The following MKLN1 variants were observed in gnomAD, a reference collection of about 807,000 sequenced individuals.
The protein encoded by MKLN1 is muskelin 1, also known as muskelin.
In MKLN1, 18 loss-of-function variants were observed where a neutral mutation model predicts 99.0. The observed-to-expected ratio is 0.18, with a 90% CI of 0.13 to 0.27. The LOEUF is 0.27. MKLN1 is among the 10% of genes least tolerant of loss of function. MKLN1 has a pLI of 1.00. For synonymous variants in MKLN1, 288 were observed against 293.2 expected (o/e 0.98, Z 0.18); for missense variants, 621 against 875.9 (o/e 0.71, Z 3.67).
intron 3 of MKLN1, among the ~76,000 whole-genome samples, chr7:131,231,309 T>C (rs1584854192): frequency 6.6e-6 from 1 of 151,948 alleles, no homozygotes; most frequent in Admixed American, 6.6e-5. Flanking sequence ...TGTCAAAAGA[T>C]AGTTGGGACA....
intron 3 of MKLN1, among the ~76,000 whole-genome samples, chr7:131,260,530 A>G (rs1797716853): frequency 6.6e-6 from 1 of 152,236 alleles, no homozygotes; most frequent in Admixed American, 6.5e-5. Context: ...ATACCATTAA[A>G]ATGGCCACAC....
upstream of MKLN1, chr7:131,324,326 G>C (rs1198355489): frequency 1.3e-5 from 2 of 152,212 alleles, no homozygotes; most frequent in Non-Finnish European, 2.9e-5. Context: ...TGAAGGAAGA[G>C]AGTTCACACT....
chr7:131,239,611 C>A (rs1321088619), intron 3 of MKLN1, among the ~76,000 whole-genome samples: 3 of 152,188 alleles, frequency 2.0e-5, no homozygotes, highest in Non-Finnish European at 4.4e-5. Context: ...AGCTACCACA[C>A]CCAGCCCTCA....
intron 12 of MKLN1, among the ~76,000 whole-genome samples, chr7:131,462,183 CA>C (rs756434106): frequency 3.4e-4 from 52 of 152,156 alleles, no homozygotes; most frequent in South Asian, 1.7e-3. Flanking sequence ...ATGTGCACAC[CA>C]CCACACTTGG....
At position 131,491,712 on chromosome 7, in the gene MKLN1, A is replaced by T. The variant is rs1349304278; in HGVS notation, c.*3984A>T. The T allele has an allele frequency of 2.0e-5, 3 of 152,672 alleles. No homozygotes were observed. In the East Asian group the frequency reaches 5.8e-4, roughly 29 times the overall value. The allele number at this position is 152,672 out of a possible 1,614,324, so 9.5% of individuals were successfully genotyped here. On this transcript the variant is annotated 3_prime_UTR_variant, in exon 18 of 18. Coordinates refer to ENST00000352689, the MANE Select transcript of MKLN1 (RefSeq NM_013255.5). Reference sequence around the variant, plus strand: ...TGCAGTATATTGATCTCTTCACCAAATGCTTTTTCTTTTTCTGAATAAATG... The same window carrying T: ...TGCAGTATATTGATCTCTTCACCAATTGCTTTTTCTTTTTCTGAATAAATG...
intron 3 of MKLN1, among the ~76,000 whole-genome samples, chr7:131,210,184 A>G (rs1435144559): frequency 3.9e-5 from 6 of 152,206 alleles, no homozygotes. Flanking sequence ...TCTCCAATGG[A>G]ATAAAATTTT....
Position 131,496,090 on chromosome 7 carries a change from C to T in MKLN1, c.*8362C>T, listed in dbSNP as rs1026709754. On this transcript the variant is annotated 3_prime_UTR_variant, in exon 18 of 18. Coordinates refer to ENST00000352689, the MANE Select transcript of MKLN1 (RefSeq NM_013255.5). ...TCAAAAAAAATTGTATTTCTGTGCACATTAGCTGAGATTCACACATTTTGC... is the reference window on the plus strand; with the variant it reads ...TCAAAAAAAATTGTATTTCTGTGCATATTAGCTGAGATTCACACATTTTGC... 1 of 151,466 alleles carries T rather than the reference C, an allele frequency of 6.6e-6. No homozygotes were observed. The highest frequency in any genetic ancestry group is 1.9e-4 in the East Asian group (1 of 5,200). The allele number at this position is 151,466 out of a possible 1,614,324, so 9.4% of individuals were successfully genotyped here.
chr7:131,192,112 T>TATATACTGTATATATAC (rs1563247224), intron 2 of MKLN1, among the ~76,000 whole-genome samples: 1,423 of 79,434 alleles, frequency 0.018, 153 homozygotes, highest in South Asian at 0.03. Context: ...ATATATATTA[T>TATATACTGTATATATAC]ATATATACGT....
At chr7:131,344,753 T>C (rs1239264271) in intron 1 of MKLN1, among the ~76,000 whole-genome samples, 2 of 152,208 alleles carry the variant, frequency 1.3e-5, no homozygotes, top group African/African-American at 4.8e-5. Context: ...CTCAATTCTT[T>C]TAAACAAAAT....
At chr7:131,426,322 AG>A (rs1349141778) in intron 8 of MKLN1, among the ~76,000 whole-genome samples, 1 of 152,224 alleles carries the variant, frequency 6.6e-6, no homozygotes, top group Non-Finnish European at 1.5e-5. Flanking sequence ...ATAAAACAAA[AG>A]GTCAATTGCT....
intron 3 of MKLN1, among the ~76,000 whole-genome samples, chr7:131,317,679 A>C (rs1798695131): frequency 6.6e-6 from 1 of 150,870 alleles, no homozygotes; most frequent in African/African-American, 2.4e-5. Flanking sequence ...TAGAGTCAAG[A>C]CCCATCAGTG....
intron 17 of MKLN1, among the ~76,000 whole-genome samples, chr7:131,481,405 A>G (rs1341050036): frequency 1.3e-5 from 2 of 152,186 alleles, no homozygotes; most frequent in African/African-American, 4.8e-5. Context: ...GACTGCCTTA[A>G]AAATTTAATC....
chr7:131,314,240 G>T (rs1798621883), intron 3 of MKLN1, among the ~76,000 whole-genome samples: 1 of 152,144 alleles, frequency 6.6e-6, no homozygotes, highest in African/African-American at 2.4e-5. Context: ...TTTTGTGCTG[G>T]AAACTGTCAT....
chr7:131,206,922 T>C (rs903181496), intron 3 of MKLN1, among the ~76,000 whole-genome samples: 3 of 152,148 alleles, frequency 2.0e-5, no homozygotes, highest in Non-Finnish European at 4.4e-5. Flanking sequence ...TGATTTAAAA[T>C]GTTGCCAAGG....
At chr7:131,337,179 T>G (rs1467104822) in intron 1 of MKLN1, among the ~76,000 whole-genome samples, 1 of 152,168 alleles carries the variant, frequency 6.6e-6, no homozygotes, top group Non-Finnish European at 1.5e-5. Context: ...TAAACAGCTT[T>G]CAGTGATGCA....
intron 2 of MKLN1, among the ~76,000 whole-genome samples, chr7:131,143,420 C>T (rs571725910): frequency 3.3e-5 from 5 of 152,186 alleles, no homozygotes; most frequent in Non-Finnish European, 4.4e-5. Context: ...GAGCCAAGAT[C>T]GTGCCACTGC....
chr7:131,426,895 C>T (rs903343898), intron 8 of MKLN1, among the ~76,000 whole-genome samples: 22 of 152,006 alleles, frequency 1.4e-4, no homozygotes, highest in African/African-American at 5.1e-4. Flanking sequence ...GCTGGGATTA[C>T]AGATGTGTGC....
At chr7:131,133,778 C>T (rs1425313247) in intron 1 of MKLN1, among the ~76,000 whole-genome samples, 1 of 147,686 alleles carries the variant, frequency 6.8e-6, no homozygotes, top group Admixed American at 6.7e-5. Flanking sequence ...TAAGCCACTA[C>T]ACCCGGCCCA....
At chr7:131,354,593 C>T (rs1259013167) in intron 1 of MKLN1, among the ~76,000 whole-genome samples, 3 of 151,632 alleles carry the variant, frequency 2.0e-5, no homozygotes, top group Admixed American at 2.0e-4. Flanking sequence ...TTCATTTCTT[C>T]CCTTCTGAAG....
Sources: gnomAD v4.1 joint callset for allele counts (sites outside exome capture counted in the v4.1 genomes callset) on GRCh38, gnomAD v4.1.1 for gene constraint, MANE v1.5 for transcripts, NCBI Gene and HGNC (gene_info 2026-07-23, HGNC 2026-07-21) for gene names.